The following RASGEF1A variants were observed in gnomAD, a reference collection of about 807,000 sequenced individuals.
RASGEF1A encodes the protein ras-GEF domain-containing family member 1A.
A neutral mutation model predicts 56.4 loss-of-function variants in RASGEF1A; 18 were observed. The observed-to-expected ratio is 0.32, with a 90% CI of 0.22 to 0.47. The LOEUF (loss-of-function observed/expected upper bound fraction) is 0.47, where lower values mean the gene tolerates loss of function less well. Among genes scored for constraint, RASGEF1A ranks in the 20% least tolerant of loss-of-function variants. The pLI, the probability that RASGEF1A is intolerant of heterozygous loss-of-function variation, is 1.00. For synonymous variants in RASGEF1A, 245 were observed against 242.6 expected (o/e 1.01, Z -0.09); for missense variants, 422 against 627.1 (o/e 0.67, Z 3.49).
intron 1 of RASGEF1A, among the ~76,000 whole-genome samples, chr10:43,224,424 T>C (rs753482391): frequency 2.1e-4 from 32 of 152,174 alleles, no homozygotes; most frequent in Non-Finnish European, 4.3e-4. Flanking sequence ...CCTGACCCAG[T>C]GGGCTTTATT....
chr10:43,217,489 AC>A (rs1840153403), intron 1 of RASGEF1A, among the ~76,000 whole-genome samples: 1 of 152,188 alleles, frequency 6.6e-6, no homozygotes, highest in African/African-American at 2.4e-5. Context: ...AGGCTGGGTG[AC>A]CAGCCACTGC....
chr10:43,261,785 T>A (rs1448603362), intron 1 of RASGEF1A, among the ~76,000 whole-genome samples: 1 of 152,058 alleles, frequency 6.6e-6, no homozygotes, highest in Non-Finnish European at 1.5e-5. Flanking sequence ...GGGCTGCACA[T>A]TACCTTCATC....
At chr10:43,203,762 C>A (rs894541951) in intron 2 of RASGEF1A, 9 of 1,049,810 alleles carry the variant, frequency 8.6e-6, no homozygotes, top group Non-Finnish European at 1.0e-5. Flanking sequence ...GTGCTCGCTG[C>A]GCCAGGATGC....
chr10:43,262,876 A>T (rs576372519), intron 1 of RASGEF1A, among the ~76,000 whole-genome samples: 1 of 152,324 alleles, frequency 6.6e-6, no homozygotes, highest in Admixed American at 6.5e-5. Context: ...GGCAGTGAGC[A>T]GGGAGAGGCA....
chr10:43,200,730 C>A lies in RASGEF1A; in HGVS notation c.618G>T (p.Lys206Asn). 1 of 1,613,804 alleles carries A rather than the reference C, an allele frequency of 6.2e-7. No individual in the cohort carries two copies. The highest frequency in any genetic ancestry group is 8.5e-7 in the Non-Finnish European group (1 of 1,180,028). ...GGTCGCAGCACACGCCCAGGATGTC[C>A]TTCTGGGCGGCTGGTGGCTTGGTCT... ...ILKTKPPAAQKDILGVCCDPL... is the reference protein window; with the variant it reads ...ILKTKPPAAQNDILGVCCDPL... The change falls in exon 5 of 13, where the codon AAG (lysine) becomes AAT (asparagine). Residue 206 changes from lysine to asparagine, a missense_variant. Lys to Asn is a moderately conservative substitution (Grantham distance 94). Transcript: ENST00000395810.
chr10:43,234,467 T>C (rs907732553), intron 1 of RASGEF1A, among the ~76,000 whole-genome samples: 4 of 152,066 alleles, frequency 2.6e-5, no homozygotes, highest in African/African-American at 9.7e-5. Context: ...GGATGGAAGG[T>C]GGCCTGAGGC....
chr10:43,221,912 C>A (rs1234834005), intron 1 of RASGEF1A, among the ~76,000 whole-genome samples: 2 of 152,258 alleles, frequency 1.3e-5, no homozygotes, highest in Admixed American at 6.5e-5. Context: ...AGGCCTCCTG[C>A]CTGCAAGTTG....
chr10:43,218,624 G>A (rs1003478244), intron 1 of RASGEF1A, among the ~76,000 whole-genome samples: 21 of 152,260 alleles, frequency 1.4e-4, no homozygotes, highest in African/African-American at 4.3e-4. Context: ...CAGGGGCCAC[G>A]CTGTTTCACA....
intron 1 of RASGEF1A, among the ~76,000 whole-genome samples, chr10:43,211,835 T>C (rs1840073223): frequency 6.6e-6 from 1 of 152,212 alleles, no homozygotes; most frequent in Non-Finnish European, 1.5e-5. Context: ...AGCCTCTGGG[T>C]GGCCCTAAGC....
intron 2 of RASGEF1A, 43 bp from the exon 3 acceptor site, chr10:43,203,463 AG>A: frequency 2.0e-6 from 3 of 1,480,688 alleles, no homozygotes; most frequent in Non-Finnish European, 2.7e-6. Context: ...AGGGTGAGGC[AG>A]GCCCCCGGGG....
intron 1 of RASGEF1A, among the ~76,000 whole-genome samples, chr10:43,266,332 C>T (rs1836623249): frequency 6.6e-6 from 1 of 152,184 alleles, no homozygotes; most frequent in East Asian, 1.9e-4. Context: ...GGACCTCTCC[C>T]CCAAATGCAG....
At chr10:43,210,692 C>G (rs1443373699) in intron 1 of RASGEF1A, among the ~76,000 whole-genome samples, 1 of 152,266 alleles carries the variant, frequency 6.6e-6, no homozygotes, top group African/African-American at 2.4e-5. Context: ...CCAGACCCAT[C>G]TCGAGGCAGC....
chr10:43,232,002 A>G (rs543109611), intron 1 of RASGEF1A, among the ~76,000 whole-genome samples: 1 of 152,348 alleles, frequency 6.6e-6, no homozygotes, highest in African/African-American at 2.4e-5. Flanking sequence ...GCCTGGAACA[A>G]GGCTGCCTCT....
Position 43,199,096 on chromosome 10 carries a change from G to T in RASGEF1A, c.948C>A (p.Ile316=). 1.9e-6 allele frequency: 3 copies of T among 1,613,694 alleles called. No homozygotes were observed. Among genetic ancestry groups the T allele is most frequent in the Non-Finnish European group, 1.7e-6 (2 of 1,179,896 alleles). Residue 316 remains isoleucine (I), a synonymous_variant, in exon 8 of 13, where the codon ATC becomes ATA. Coordinates refer to ENST00000395810, the MANE Select transcript of RASGEF1A (RefSeq NM_145313.4). ...CCTGGGTGCCCAGTCACTCACAGAT[G>T]ATGGCCATCATGGAGTTGAAGTTCC... is the stretch of plus-strand genomic sequence containing the variant. ...NIGNFNSMMA[I]ISGMNLSPVA... is the part of the protein sequence containing the mutation.
intron 2 of RASGEF1A, 43 bp from the exon 3 acceptor site, chr10:43,203,463 A>G: frequency 6.8e-7 from 1 of 1,480,688 alleles, no homozygotes. Context: ...AGGGTGAGGC[A>G]GGCCCCCGGG....
chr10:43,248,205 A>C (rs1840588055), intron 1 of RASGEF1A, among the ~76,000 whole-genome samples: 1 of 151,798 alleles, frequency 6.6e-6, no homozygotes, highest in African/African-American at 2.4e-5. Context: ...AAAATACAAA[A>C]ATTAGCTGGG....
intron 5 of RASGEF1A, 116 bp from the exon 6 acceptor site, chr10:43,200,372 C>G: frequency 1.2e-6 from 1 of 866,756 alleles, no homozygotes; most frequent in Non-Finnish European, 1.8e-6. Context: ...ACCTTCACCT[C>G]CTCCCAGGCC....
intron 1 of RASGEF1A, among the ~76,000 whole-genome samples, chr10:43,263,100 G>C (rs910647413): frequency 6.6e-6 from 1 of 152,164 alleles, no homozygotes; most frequent in African/African-American, 2.4e-5. Flanking sequence ...GAGGACAGGT[G>C]GGGGCTGATG....
At chr10:43,210,918 C>A in intron 1 of RASGEF1A, among the ~76,000 whole-genome samples, 2 of 66,190 alleles carry the variant, frequency 3.0e-5, no homozygotes, top group African/African-American at 1.1e-4. Flanking sequence ...GAGCAGCAGC[C>A]CCTTGCAGGG....
Sources: allele counts gnomAD v4.1 joint callset (sites outside exome capture counted in the v4.1 genomes callset), GRCh38; gene constraint gnomAD v4.1.1; transcripts MANE v1.5; gene names NCBI Gene and HGNC (gene_info 2026-07-23, HGNC 2026-07-21).